NELL1: variants seen among roughly 807,000 people sequenced by gnomAD.
NELL1 encodes the protein protein kinase C-binding protein NELL1.
A neutral mutation model predicts 107.4 loss-of-function variants in NELL1; 76 were observed. The observed-to-expected ratio is 0.71, with a 90% CI of 0.59 to 0.86. NELL1 has a LOEUF of 0.86. NELL1 is among the 40% of genes least tolerant of loss of function. NELL1 has a pLI of 0.00. For synonymous variants in NELL1, 353 were observed against 341.2 expected, an observed-to-expected ratio of 1.03 and a Z score of -0.38; for missense variants, 1,024 against 1,005.5, an observed-to-expected ratio of 1.02 and a Z score of -0.25.
rs986236574 is a variant in NELL1 at position 21,204,317 on chromosome 11, C to A, written c.1427-25015C>A. Among the ~76,000 whole-genome samples the A allele has an allele frequency of 7.9e-5, 12 of 152,032 alleles. No homozygotes were observed. The Middle Eastern group carries it at 0.01, about 129-fold the overall frequency. ...GAGGCTTTATTCGTTCCTTTTCATTCTTTTTTCTCTAATCTTGTCTTCACG... is the reference window on the plus strand; with the variant it reads ...GAGGCTTTATTCGTTCCTTTTCATTATTTTTTCTCTAATCTTGTCTTCACG... On this transcript the variant is annotated intron_variant, in intron 13 of 19. Transcript: ENST00000357134.
At position 21,073,541 on chromosome 11, in the gene NELL1, A is replaced by G. The variant is rs548828794; in HGVS notation, c.1301-40048A>G. Among the ~76,000 whole-genome samples, 3 of 152,266 alleles carry G rather than the reference A, an allele frequency of 2.0e-5. No individual in the cohort carries two copies. In the East Asian group the frequency reaches 5.8e-4, roughly 29 times the overall value. On this transcript the variant is annotated intron_variant, in intron 12 of 19. Transcript: ENST00000357134. The stretch of plus-strand genomic sequence containing the variant: ...CAGACCTTTGAATCTGCATGTCTTC[A>G]TGGGTAGGGCAAGACCTTGATGCTT...
intron 15 of NELL1, among the ~76,000 whole-genome samples, chr11:21,454,711 T>G (rs569433311): frequency 1.3e-4 from 20 of 152,340 alleles, no homozygotes; most frequent in East Asian, 3.9e-4. Context: ...ATTTGATTAC[T>G]GTAAAGGCCC....
chr11:21,403,080 T>C (rs1384230481), intron 15 of NELL1, among the ~76,000 whole-genome samples: 1 of 151,764 alleles, frequency 6.6e-6, no homozygotes, highest in Non-Finnish European at 1.5e-5. Context: ...CTGAGGTGGA[T>C]GTTACATTGT....
At chr11:21,284,301 G>T (rs991148264) in intron 14 of NELL1, 8 of 457,246 alleles carry the variant, frequency 1.7e-5, no homozygotes, top group Non-Finnish European at 3.5e-5. Context: ...AACACAGAGG[G>T]TGAGTATAGC....
Position 21,571,312 on chromosome 11 carries a change from T to C in NELL1, c.2157+372T>C, listed in dbSNP as rs889406583. 3.8e-4 allele frequency among the ~76,000 whole-genome samples: 58 copies of C among 151,774 alleles called. 1 individual carries two copies. The highest frequency in any genetic ancestry group is 1.4e-3 in the African/African-American group (56 of 41,376). On this transcript the variant is annotated intron_variant, in intron 18 of 19. Transcript: ENST00000357134. ...GCCATAACCCTTAAAGATTTCAATA[T>C]AAGAGGTAACAAAACATAGTAGAAA...
chr11:20,690,899 T>G (rs1185518492), intron 2 of NELL1, among the ~76,000 whole-genome samples: 1 of 151,902 alleles, frequency 6.6e-6, no homozygotes, highest in African/African-American at 2.4e-5. Context: ...ACGATATTGA[T>G]TCTTCCTACC....
At chr11:21,114,938 C>A (rs13313155) in intron 13 of NELL1, among the ~76,000 whole-genome samples, 9,030 of 151,974 alleles carry the variant, frequency 0.059, 939 homozygotes, top group African/African-American at 0.2. Context: ...CGTCTTTTAA[C>A]CCTAAGATTA....
At chr11:21,499,214 C>T (rs78266369) in intron 15 of NELL1, among the ~76,000 whole-genome samples, 1 of 151,094 alleles carries the variant, frequency 6.6e-6, no homozygotes, top group Non-Finnish European at 1.5e-5. Context: ...TGTTATTAAA[C>T]TCTGTAATAC....
intron 12 of NELL1, among the ~76,000 whole-genome samples, chr11:21,053,249 T>C (rs1351845880): frequency 1.3e-5 from 2 of 152,108 alleles, no homozygotes; most frequent in Admixed American, 1.3e-4. Flanking sequence ...TAGGTATTTC[T>C]CCTAATGCTA....
intron 16 of NELL1, among the ~76,000 whole-genome samples, chr11:21,537,251 C>T (rs1188963393): frequency 6.6e-6 from 1 of 152,066 alleles, no homozygotes. Flanking sequence ...CTTCTTATGG[C>T]CTTCTAATGC....
At chr11:20,751,646 TAAA>T (rs56008564) in intron 2 of NELL1, among the ~76,000 whole-genome samples, 3 of 147,800 alleles carry the variant, frequency 2.0e-5, no homozygotes, top group Admixed American at 1.3e-4. Context: ...CTGGCTAAGT[TAAA>T]AAAAAAAAAA....
chr11:21,149,735 C>T (rs1000247214), intron 13 of NELL1, among the ~76,000 whole-genome samples: 12 of 151,968 alleles, frequency 7.9e-5, no homozygotes, highest in Non-Finnish European at 1.2e-4. Flanking sequence ...GCCCAATAGG[C>T]GTAAATAAAT....
Position 21,141,737 on chromosome 11 carries a change from T to TTTTATTTATTTA in NELL1, c.1426+28055_1426+28066dup, listed in dbSNP as rs201651937. Reference sequence around the variant, plus strand: ...ATTGTATACCCTCCTCCTCTATCCTTTTTATTTATTTATTTATTTATTTAT... The same window carrying TTTTATTTATTTA: ...ATTGTATACCCTCCTCCTCTATCCTTTTTATTTATTTATTTATTTATTTATTTATTTATTTAT... On this transcript the variant is annotated intron_variant, in intron 13 of 19. Coordinates refer to ENST00000357134, the MANE Select transcript of NELL1 (RefSeq NM_006157.5). Among the ~76,000 whole-genome samples, 681 of 147,646 alleles carry TTTTATTTATTTA rather than the reference T, an allele frequency of 4.6e-3. 9 individuals carry two copies. Among genetic ancestry groups the TTTTATTTATTTA allele is most frequent in the African/African-American group, 0.014 (553 of 39,816 alleles).
At chr11:20,857,885 C>T (rs1241930132) in intron 4 of NELL1, among the ~76,000 whole-genome samples, 1 of 152,192 alleles carries the variant, frequency 6.6e-6, no homozygotes, top group African/African-American at 2.4e-5. Flanking sequence ...GCACTGAATA[C>T]ACCAGTAGGC....
At position 21,042,829 on chromosome 11, in the gene NELL1, C is replaced by A. The variant is rs528749930; in HGVS notation, c.1301-70760C>A. Among the ~76,000 whole-genome samples the A allele has an allele frequency of 3.3e-5, 5 of 152,128 alleles. No homozygotes were observed. In the South Asian group the frequency reaches 6.2e-4, roughly 19 times the overall value. On this transcript the variant is annotated intron_variant, in intron 12 of 19. Transcript: ENST00000357134. ...AGCTCTGTTTGAAACTGTATTTTAC[C>A]GTATTTGGCTTATTACCATGGCAGT...
At chr11:20,868,187 C>T (rs1381089726) in intron 4 of NELL1, among the ~76,000 whole-genome samples, 1 of 152,092 alleles carries the variant, frequency 6.6e-6, no homozygotes, top group Non-Finnish European at 1.5e-5. Flanking sequence ...GTTTAAGGTC[C>T]TAGAAGCAGG....
At chr11:20,925,485 C>T (rs1460042762) in intron 7 of NELL1, among the ~76,000 whole-genome samples, 1 of 147,116 alleles carries the variant, frequency 6.8e-6, no homozygotes, top group Non-Finnish European at 1.5e-5. Context: ...AGGGTTTCGC[C>T]ATGTTGGCTG....
At chr11:20,767,275 A>G (rs1856552236) in intron 2 of NELL1, among the ~76,000 whole-genome samples, 1 of 152,168 alleles carries the variant, frequency 6.6e-6, no homozygotes. Flanking sequence ...CTTCCACAGC[A>G]TGGAAGGGGA....
chr11:21,118,166 A>G (rs1170228427), intron 13 of NELL1, among the ~76,000 whole-genome samples: 2 of 152,038 alleles, frequency 1.3e-5, no homozygotes, highest in African/African-American at 4.8e-5. Flanking sequence ...GCAAAATACA[A>G]TGAAAAATGG....
Sources: allele counts gnomAD v4.1 joint callset (sites outside exome capture counted in the v4.1 genomes callset), GRCh38; gene constraint gnomAD v4.1.1; transcripts MANE v1.5; gene names NCBI Gene and HGNC (gene_info 2026-07-23, HGNC 2026-07-21).